Variants in ARIH1 observed in about 807,000 individuals in gnomAD.
The protein encoded by ARIH1 is ariadne RBR E3 ubiquitin protein ligase 1.
In ARIH1, 8 loss-of-function variants were observed where a neutral mutation model predicts 85.0. The observed-to-expected ratio is 0.09, with a 90% CI of 0.06 to 0.17. The LOEUF is 0.17. Ranked by LOEUF, ARIH1 falls within the 10% of genes least tolerant of loss-of-function variation. The probability of loss-of-function intolerance (pLI) is 1.00; values close to 1 mark genes in which losing one functional copy is unlikely to be tolerated. For missense variants in ARIH1, 311 were observed against 718.1 expected (o/e 0.43, Z 6.48); for synonymous variants, 238 against 253.6 (o/e 0.94, Z 0.59).
In ARIH1 at chr15:72,572,093, T is replaced by G; in HGVS notation, c.1158-15T>G. On this transcript the variant is annotated splice_polypyrimidine_tract_variant and intron_variant, in intron 10 of 13. Transcript: ENST00000379887. ...TTTTTTTTTTCTTTATGGAATCCTC[T>G]TTATTTACTTGAAGGTACAACTGTA... is the stretch of plus-strand genomic sequence containing the variant. 1 of 1,563,940 alleles carries G rather than the reference T, an allele frequency of 6.4e-7. No homozygotes were observed. Among genetic ancestry groups the G allele is most frequent in the Non-Finnish European group, 8.7e-7 (1 of 1,152,748 alleles).
intron 4 of ARIH1, 25 bp downstream of exon 4, chr15:72,555,388 G>A (rs754197705): frequency 1.1e-5 from 17 of 1,566,734 alleles, no homozygotes; most frequent in Non-Finnish European, 1.4e-5. Context: ...TTGTTTTTCA[G>A]TTTTTGTTGA....
chr15:72,497,965 A>G (rs1304957504), intron 1 of ARIH1, among the ~76,000 whole-genome samples: 1 of 152,230 alleles, frequency 6.6e-6, no homozygotes, highest in Non-Finnish European at 1.5e-5. Context: ...GCTTCATAAT[A>G]TACCATAGTA....
intron 2 of ARIH1, among the ~76,000 whole-genome samples, chr15:72,520,965 C>A (rs2063996980): frequency 6.6e-6 from 1 of 151,910 alleles, no homozygotes; most frequent in Non-Finnish European, 1.5e-5. Context: ...CATTTCAGCA[C>A]CCCCAGTAGC....
chr15:72,575,324 A>G (rs1243952121), intron 11 of ARIH1, among the ~76,000 whole-genome samples: 2 of 152,114 alleles, frequency 1.3e-5, no homozygotes, highest in Admixed American at 6.6e-5. Context: ...CACGCCTGCA[A>G]TCCTAGCACT....
rs575539704 is a variant in ARIH1, at chr15:72,497,660, T to C, written c.376-20407T>C. On this transcript the variant is annotated intron_variant, in intron 1 of 13. Coordinates refer to ENST00000379887, the MANE Select transcript of ARIH1 (RefSeq NM_005744.5). Reference sequence around the variant, plus strand: ...AGTGAGTGCTATAGGGATGGTGGAATGATGCAGATATTTGCATCATTTTCT... The same window carrying C: ...AGTGAGTGCTATAGGGATGGTGGAACGATGCAGATATTTGCATCATTTTCT... Among the ~76,000 whole-genome samples, 8 of 152,356 alleles carry C rather than the reference T, an allele frequency of 5.3e-5. No homozygotes were observed. The South Asian group carries it at 1.7e-3, about 32-fold the overall frequency.
chr15:72,525,921 G>A (rs1157405597), intron 2 of ARIH1, among the ~76,000 whole-genome samples: 1 of 151,914 alleles, frequency 6.6e-6, no homozygotes, highest in African/African-American at 2.4e-5. Context: ...GATTGCAAGC[G>A]TGAGCCACCA....
chr15:72,549,374 C>G (rs1040464382), intron 3 of ARIH1, among the ~76,000 whole-genome samples: 1 of 152,054 alleles, frequency 6.6e-6, no homozygotes, highest in African/African-American at 2.4e-5. Flanking sequence ...AGGAGTGAGC[C>G]GCCACGGCCA....
chr15:72,579,021 C>T (rs2064284273), intron 11 of ARIH1, among the ~76,000 whole-genome samples: 2 of 151,924 alleles, frequency 1.3e-5, no homozygotes, highest in South Asian at 2.1e-4. Flanking sequence ...TGAGCTCAGG[C>T]AATCCACCCG....
intron 1 of ARIH1, among the ~76,000 whole-genome samples, chr15:72,478,702 T>A (rs943780136): frequency 1.3e-5 from 2 of 152,232 alleles, no homozygotes; most frequent in African/African-American, 4.8e-5. Flanking sequence ...TTAGCATCTC[T>A]GTATTTTAGC....
At chr15:72,508,526 G>A (rs998576225) in intron 1 of ARIH1, among the ~76,000 whole-genome samples, 2 of 152,104 alleles carry the variant, frequency 1.3e-5, no homozygotes, top group Admixed American at 1.3e-4. Flanking sequence ...CTTAACCTCT[G>A]TAACCTCATC....
In ARIH1 at chr15:72,591,992, A is replaced by G. The variant is rs1258264861; in HGVS notation, c.*8700A>G. ...TTTTGTATCCCAAAATCCTAGTACT[A>G]ATTTGGAGTGTTGTAAAGGTCAGGG... On this transcript the variant is annotated 3_prime_UTR_variant, in exon 14 of 14. Transcript: ENST00000379887. 2.0e-5 allele frequency: 3 copies of G among 152,204 alleles called. No individual in the cohort carries two copies. The highest frequency in any genetic ancestry group is 4.4e-5 in the Non-Finnish European group (3 of 68,030). The allele number at this position is 152,204 out of a possible 1,614,324, so 9.4% of individuals were successfully genotyped here.
chr15:72,575,551 C>CA (rs59727915), intron 11 of ARIH1, among the ~76,000 whole-genome samples: 45 of 60,552 alleles, frequency 7.4e-4, no homozygotes, highest in African/African-American at 1.6e-3. Flanking sequence ...ACCCTGTCTC[C>CA]AAAAAAAAAA....
In ARIH1 at chr15:72,592,274, T is replaced by C. The variant is rs535899477; in HGVS notation, c.*8982T>C. 2.6e-5 allele frequency: 4 copies of C among 152,330 alleles called. No homozygotes were observed. Among genetic ancestry groups the C allele is most frequent in the Admixed American group, 2.0e-4 (3 of 15,300 alleles). 9.4% of individuals were successfully genotyped at this position (152,330 alleles called of 1,614,324 possible). A position where few individuals can be genotyped will look rare whatever the true frequency, so the allele number is the denominator to read the frequency against. ...ATCTCTGGGACACTGGATTGTGTGC[T>C]CTTTAAGATAAATTCCATAATCAAG... is the stretch of plus-strand genomic sequence containing the variant. On this transcript the variant is annotated 3_prime_UTR_variant, in exon 14 of 14. Coordinates refer to ENST00000379887, the MANE Select transcript of ARIH1 (RefSeq NM_005744.5).
chr15:72,579,986 G>A (rs1158901513), intron 11 of ARIH1, among the ~76,000 whole-genome samples: 3 of 151,818 alleles, frequency 2.0e-5, no homozygotes, highest in Non-Finnish European at 4.4e-5. Flanking sequence ...TATTATTATT[G>A]ACTATATTCA....
At chr15:72,493,187 G>C (rs544446041) in intron 1 of ARIH1, among the ~76,000 whole-genome samples, 2 of 152,178 alleles carry the variant, frequency 1.3e-5, no homozygotes, top group East Asian at 3.9e-4. Flanking sequence ...CCCTTCTCAT[G>C]ATAGCGATTC....
At chr15:72,512,164 A>G (rs1387644872) in intron 1 of ARIH1, among the ~76,000 whole-genome samples, 1 of 152,090 alleles carries the variant, frequency 6.6e-6, no homozygotes, top group African/African-American at 2.4e-5. Flanking sequence ...TCTTATGGAA[A>G]TTGGGAAGTG....
rs565400499 is a variant in ARIH1 at position 72,562,654 on chromosome 15, G to A, written c.805-740G>A. On this transcript the variant is annotated intron_variant, in intron 6 of 13. Coordinates refer to ENST00000379887, the MANE Select transcript of ARIH1 (RefSeq NM_005744.5). The stretch of plus-strand genomic sequence containing the variant: ...GAGCTTTTTATGGGAGAAGTTGTAT[G>A]TATATCCTTTAGCCTATCTTGAACT... Among the ~76,000 whole-genome samples the A allele has an allele frequency of 2.7e-5, 4 of 150,498 alleles. No homozygotes were observed. In the South Asian group the frequency reaches 8.4e-4, roughly 32 times the overall value.
rs1350962734 is a variant in ARIH1 at position 72,595,745 on chromosome 15, A to G, written c.*12453A>G. ...TGATCTTCCTGCCTTGCACTCCCGA[A>G]GTGTTGGCATTACAGGCATGAGACA... On this transcript the variant is annotated 3_prime_UTR_variant, in exon 14 of 14. Coordinates refer to ENST00000379887, the MANE Select transcript of ARIH1 (RefSeq NM_005744.5). 2 of 150,762 alleles carry G rather than the reference A, an allele frequency of 1.3e-5. No individual in the cohort carries two copies. Among genetic ancestry groups the G allele is most frequent in the African/African-American group, 4.9e-5 (2 of 40,988 alleles). The allele number at this position is 150,762 out of a possible 1,614,324, so 9.3% of individuals were successfully genotyped here. A position where few individuals can be genotyped will look rare whatever the true frequency, so the allele number is the denominator to read the frequency against.
intron 2 of ARIH1, among the ~76,000 whole-genome samples, chr15:72,519,181 T>A (rs904839022): frequency 1.3e-5 from 2 of 152,122 alleles, no homozygotes; most frequent in Non-Finnish European, 2.9e-5. Context: ...TGTTGGGAAC[T>A]GACAACCCAT....
Sources: allele counts gnomAD v4.1 joint callset (sites outside exome capture counted in the v4.1 genomes callset), GRCh38; gene constraint gnomAD v4.1.1; transcripts MANE v1.5; gene names NCBI Gene and HGNC (gene_info 2026-07-23, HGNC 2026-07-21).